Variants in GREB1 observed in about 807,000 individuals in gnomAD.
GREB1 encodes growth regulating estrogen receptor binding 1.
In GREB1, 106 loss-of-function variants were observed where a neutral mutation model predicts 200.7. The observed-to-expected ratio is 0.53, with a 90% confidence interval of 0.45 to 0.62. The LOEUF (loss-of-function observed/expected upper bound fraction) is 0.62, where lower values mean the gene tolerates loss of function less well. Among genes scored for constraint, GREB1 ranks in the 20% least tolerant of loss-of-function variants. GREB1 has a pLI of 0.00. For missense variants in GREB1, 2,243 were observed against 2,556.8 expected (o/e 0.88, Z 2.65); for synonymous variants, 1,132 against 1,092.4 (o/e 1.04, Z -0.72).
chr2:11,525,242 C>T (rs896998756), intron 1 of GREB1, among the ~76,000 whole-genome samples: 1 of 152,114 alleles, frequency 6.6e-6, no homozygotes, highest in African/African-American at 2.4e-5. Flanking sequence ...CGGTGGCTCA[C>T]GCCTGTAATC....
Position 11,634,329 on chromosome 2 carries a change from C to A in GREB1, c.5190C>A (p.Asn1730Lys). Residue 1730 changes from asparagine (N) to lysine (K), a missense_variant, in exon 29 of 33, where the codon AAC (asparagine) becomes AAA (lysine). Transcript: ENST00000381486. ...FIILNVDLTQ[N>K]VQYNQNRFLC... is the part of the protein sequence containing the mutation. ...TCCTGAACGTGGACCTGACCCAGAACGTGCAGTACAACCAGAACCGGTGAG... is the reference window on the plus strand; with the variant it reads ...TCCTGAACGTGGACCTGACCCAGAAAGTGCAGTACAACCAGAACCGGTGAG... The A allele has an allele frequency of 6.2e-7, 1 of 1,613,906 alleles. No individual in the cohort carries two copies.
At chr2:11,565,795 A>C (rs1456684064) in intron 3 of GREB1, among the ~76,000 whole-genome samples, 2 of 152,124 alleles carry the variant, frequency 1.3e-5, no homozygotes, top group Non-Finnish European at 1.5e-5. Flanking sequence ...TCAGATTCTC[A>C]GCCTTCGTTT....
intron 22 of GREB1, among the ~76,000 whole-genome samples, chr2:11,620,513 C>G (rs1683915196): frequency 6.6e-6 from 1 of 152,002 alleles, no homozygotes; most frequent in Non-Finnish European, 1.5e-5. Context: ...ATGTCTTATA[C>G]AATGAATTTT....
At chr2:11,614,707 G>T (rs1413944385) in intron 19 of GREB1, among the ~76,000 whole-genome samples, 1 of 152,098 alleles carries the variant, frequency 6.6e-6, no homozygotes, top group Non-Finnish European at 1.5e-5. Context: ...GGGACTACAG[G>T]CGCCCGCCAC....
rs1261785693 is a variant in GREB1 at position 11,618,426 on chromosome 2, G to C, written c.3551G>C (p.Gly1184Ala). 30 of 1,606,512 alleles carry C rather than the reference G, an allele frequency of 1.9e-5. No homozygotes were observed. Among genetic ancestry groups the C allele is most frequent in the Non-Finnish European group, 2.5e-5 (29 of 1,177,166 alleles). The change falls in exon 22 of 33, where the codon GGG (glycine) becomes GCG (alanine). Residue 1184 changes from glycine (G) to alanine (A), a missense_variant. Gly to Ala is a moderately conservative substitution (Grantham distance 60, BLOSUM62 0). Around this residue, in one of 3 missense-constraint regions of GREB1, gnomAD observed 587 missense variants for 553.1 expected, o/e 1.06. Transcript: ENST00000381486. ...GEKQRPRASQGPPSAISRHSP... is the reference protein window; with the variant it reads ...GEKQRPRASQAPPSAISRHSP... ...AAACAGAGGCCCCGGGCAAGTCAGG[G>C]GCCACCCTCGGCCATCAGCAGGCAC...
At chr2:11,530,719 A>G (rs1572599294), upstream of GREB1, among the ~76,000 whole-genome samples, 2 of 152,298 alleles carry the variant, frequency 1.3e-5, no homozygotes, top group Admixed American at 6.5e-5. Context: ...ACGATGATGA[A>G]GTGCACCTTC....
intron 5 of GREB1, among the ~76,000 whole-genome samples, chr2:11,577,390 C>T (rs1457719180): frequency 2.6e-5 from 4 of 152,222 alleles, no homozygotes; most frequent in Non-Finnish European, 5.9e-5. Context: ...TTGAACAATG[C>T]CCCACCCAAG....
intron 23 of GREB1, 59 bp from the exon 24 acceptor site, chr2:11,625,095 G>A (rs1684333989): frequency 3.0e-6 from 4 of 1,333,912 alleles, no homozygotes; most frequent in Non-Finnish European, 4.3e-6. Context: ...AGCGACACAT[G>A]ACTGTAAATC....
In GREB1 at chr2:11,576,344, C is replaced by G. The variant is rs1367057581; in HGVS notation, c.455-9C>G. 1.3e-6 allele frequency: 2 copies of G among 1,597,942 alleles called. No individual in the cohort carries two copies. The highest frequency in any genetic ancestry group is 1.7e-6 in the Non-Finnish European group (2 of 1,173,156). ...AAGAAAGATGTTTATGGTTTACTTC[C>G]TTCTCCAGGTTTCTCTGGGAATTGT... On this transcript the variant is annotated splice_polypyrimidine_tract_variant and intron_variant, in intron 4 of 32. Coordinates refer to ENST00000381486, the MANE Select transcript of GREB1 (RefSeq NM_014668.4).
At chr2:11,550,916 T>G (rs1347266304) in intron 1 of GREB1, among the ~76,000 whole-genome samples, 2 of 152,222 alleles carry the variant, frequency 1.3e-5, no homozygotes, top group Non-Finnish European at 2.9e-5. Flanking sequence ...TGTCCCCGCC[T>G]TTAATAGTTC....
rs189487514 is a variant in GREB1, at chr2:11,611,942, C to T, written c.3007-553C>T. 6.7e-4 allele frequency among the ~76,000 whole-genome samples: 102 copies of T among 152,188 alleles called. No individual in the cohort carries two copies. The South Asian group carries it at 0.017, about 26-fold the overall frequency. On this transcript the variant is annotated intron_variant, in intron 18 of 32. Transcript: ENST00000381486. ...GGCGCGGTGGCTTACACCTGTAATC[C>T]CAGCACTTTAGGAGGCCGAGGCGGG...
chr2:11,640,254 C>G lies in GREB1; in HGVS notation c.5687-37C>G, dbSNP rs749544295. 2 of 1,586,460 alleles carry G rather than the reference C, an allele frequency of 1.3e-6. No individual in the cohort carries two copies. Among genetic ancestry groups the G allele is most frequent in the South Asian group, 2.3e-5 (2 of 88,858 alleles). The stretch of plus-strand genomic sequence containing the variant: ...GCCGCTTTCCTCTGGATAAACTCAC[C>G]TTTTCCCTTCCCACACCTCTGCCGT... On this transcript the variant is annotated intron_variant, in intron 32 of 32. Transcript: ENST00000381486. This position sits in a 1 kb window ranked among gnomAD's most constrained non-coding sequence, Gnocchi z 4.6.
intron 19 of GREB1, among the ~76,000 whole-genome samples, chr2:11,614,342 G>A (rs554721008): frequency 3.9e-5 from 6 of 152,088 alleles, no homozygotes; most frequent in East Asian, 1.9e-4. Context: ...GGTTAGGCTG[G>A]TCTTGAACTC....
intron 10 of GREB1, chr2:11,591,719 A>C: frequency 2.3e-6 from 1 of 436,630 alleles, no homozygotes; most frequent in Non-Finnish European, 4.2e-6. Context: ...AACGTTCTAT[A>C]TGTCAAGATG....
At chr2:11,563,797 A>C (rs184729474) in intron 3 of GREB1, among the ~76,000 whole-genome samples, 3 of 152,330 alleles carry the variant, frequency 2.0e-5, no homozygotes, top group Admixed American at 1.3e-4. Context: ...TATTAAATTA[A>C]GCAGTAATTG....
chr2:11,589,775 G>A (rs565790892), intron 10 of GREB1, among the ~76,000 whole-genome samples: 1 of 152,298 alleles, frequency 6.6e-6, no homozygotes, highest in East Asian at 1.9e-4. Flanking sequence ...TATTCTGAAG[G>A]TAAGGCCGGC....
intron 1 of GREB1, among the ~76,000 whole-genome samples, chr2:11,514,936 C>T (rs1673444407): frequency 6.6e-6 from 1 of 152,170 alleles, no homozygotes; most frequent in African/African-American, 2.4e-5. Context: ...CACATGTATC[C>T]ATCTTCCCAT....
intron 1 of GREB1, among the ~76,000 whole-genome samples, chr2:11,490,613 A>G (rs1672756076): frequency 6.6e-6 from 1 of 152,218 alleles, no homozygotes; most frequent in Non-Finnish European, 1.5e-5. Context: ...CAGTGGTGCC[A>G]TCTCAGCTCA....
intron 17 of GREB1, among the ~76,000 whole-genome samples, chr2:11,610,048 G>A (rs1259673520): frequency 1.3e-5 from 2 of 152,236 alleles, no homozygotes; most frequent in African/African-American, 2.4e-5. Context: ...AGCCACTCTA[G>A]GAGAGCAGGT....
Sources: allele counts gnomAD v4.1 joint callset (sites outside exome capture counted in the v4.1 genomes callset), GRCh38; gene constraint gnomAD v4.1.1; regional missense constraint gnomAD v4.1.1; non-coding constraint Gnocchi (gnomAD v3.1); transcripts MANE v1.5; gene names NCBI Gene and HGNC (gene_info 2026-07-23, HGNC 2026-07-21).